The following PEAK1 variants were observed in gnomAD, a reference collection of about 807,000 sequenced individuals.
PEAK1 encodes the protein pseudopodium enriched atypical kinase 1.
Under a neutral mutation model 124.7 loss-of-function variants are expected in PEAK1, and 54 were observed. The observed-to-expected ratio is 0.43, with a 90% CI of 0.35 to 0.54. The LOEUF (loss-of-function observed/expected upper bound fraction) is 0.54, where lower values mean the gene tolerates loss of function less well. Among genes scored for constraint, PEAK1 ranks in the 20% least tolerant of loss-of-function variants. PEAK1 has a pLI of 0.01. For missense variants in PEAK1, 2,046 were observed against 2,134.5 expected (o/e 0.96, Z 0.82); for synonymous variants, 719 against 760.0 (o/e 0.95, Z 0.89).
chr15:77,140,902 C>T (rs2053730481), intron 8 of PEAK1, among the ~76,000 whole-genome samples: 1 of 151,980 alleles, frequency 6.6e-6, no homozygotes, highest in Admixed American at 6.6e-5. Flanking sequence ...AGGGTTTTGC[C>T]ATGTTGCTCA....
chr15:77,294,922 AAGG>A (rs1304002472), intron 2 of PEAK1, among the ~76,000 whole-genome samples: 3 of 152,202 alleles, frequency 2.0e-5, no homozygotes, highest in African/African-American at 7.2e-5. Flanking sequence ...ACAATTTAAA[AAGG>A]AGAATATGAA....
At chr15:77,159,372 G>C in intron 7 of PEAK1, among the ~76,000 whole-genome samples, 1 of 152,110 alleles carries the variant, frequency 6.6e-6, no homozygotes, top group East Asian at 1.9e-4. Flanking sequence ...CATCCTCCTG[G>C]CTGCATACCA....
chr15:77,262,083 C>A (rs1671149009), intron 5 of PEAK1, among the ~76,000 whole-genome samples: 1 of 152,126 alleles, frequency 6.6e-6, no homozygotes, highest in Non-Finnish European at 1.5e-5. Context: ...ACTACCAGGC[C>A]TGCCCTAAAA....
chr15:77,418,144 T>A (rs900856278), intron 1 of PEAK1: 3 of 984,024 alleles, frequency 3.0e-6, no homozygotes, highest in Non-Finnish European at 3.6e-6. Flanking sequence ...TTCTGTATAC[T>A]ATCAACTGGA....
chr15:77,269,311 CAG>C (rs2061904983), intron 5 of PEAK1, among the ~76,000 whole-genome samples: 1 of 152,038 alleles, frequency 6.6e-6, no homozygotes, highest in Non-Finnish European at 1.5e-5. Flanking sequence ...GCTAAGGTAA[CAG>C]GGTGGAAAAA....
At chr15:77,272,145 T>C (rs1300304423) in intron 5 of PEAK1, among the ~76,000 whole-genome samples, 1 of 152,152 alleles carries the variant, frequency 6.6e-6, no homozygotes, top group South Asian at 2.1e-4. Flanking sequence ...TAGCATTAAA[T>C]GCCTACATTG....
chr15:77,408,504 C>T (rs1489898345), intron 1 of PEAK1, among the ~76,000 whole-genome samples: 1 of 151,764 alleles, frequency 6.6e-6, no homozygotes, highest in African/African-American at 2.4e-5. Context: ...TGTAACCAAC[C>T]ACCACCTGTT....
intron 1 of PEAK1, chr15:77,370,988 C>T: frequency 2.8e-6 from 2 of 703,392 alleles, no homozygotes; most frequent in Non-Finnish European, 3.5e-6. Flanking sequence ...TGAGATTGCG[C>T]CACTGCACTC....
At chr15:77,203,887 T>C (rs1420295065) in intron 6 of PEAK1, among the ~76,000 whole-genome samples, 1 of 152,162 alleles carries the variant, frequency 6.6e-6, no homozygotes, top group Non-Finnish European at 1.5e-5. Context: ...ACCAAAGGCA[T>C]GATCCTTGAC....
intron 6 of PEAK1, among the ~76,000 whole-genome samples, chr15:77,223,542 T>G (rs1369418162): frequency 1.3e-5 from 2 of 152,112 alleles, no homozygotes; most frequent in Non-Finnish European, 1.5e-5. Flanking sequence ...GACAGTAGTC[T>G]CTAATACTGT....
At chr15:77,242,172 T>C (rs1009915443) in intron 6 of PEAK1, among the ~76,000 whole-genome samples, 2 of 152,122 alleles carry the variant, frequency 1.3e-5, no homozygotes, top group Non-Finnish European at 2.9e-5. Context: ...ACATCTTTAT[T>C]TCCTTAAGGT....
chr15:77,203,577 C>T (rs1047743387), intron 6 of PEAK1, among the ~76,000 whole-genome samples: 1 of 151,904 alleles, frequency 6.6e-6, no homozygotes, highest in Non-Finnish European at 1.5e-5. Context: ...AAAGAACAGA[C>T]AAATAGATCA....
chr15:77,120,190 C>T (rs1326068117), intron 9 of PEAK1, among the ~76,000 whole-genome samples: 1 of 152,218 alleles, frequency 6.6e-6, no homozygotes, highest in African/African-American at 2.4e-5. Context: ...TGCCTGCTCT[C>T]CATCCTAGTT....
chr15:77,225,362 T>C (rs2059584072), intron 6 of PEAK1, among the ~76,000 whole-genome samples: 1 of 152,000 alleles, frequency 6.6e-6, no homozygotes, highest in Non-Finnish European at 1.5e-5. Context: ...CATTTGTATG[T>C]TCACACAAAA....
At chr15:77,108,075 G>A (rs1024576537), downstream of PEAK1, 1 of 152,208 alleles carries the variant, frequency 6.6e-6, no homozygotes, top group Admixed American at 6.5e-5. Flanking sequence ...ACCCTGGGGG[G>A]ACAAGACATA....
intron 6 of PEAK1, 34 bp from the exon 7 acceptor site, chr15:77,182,074 T>C (rs767427805): frequency 7.3e-6 from 10 of 1,364,010 alleles, no homozygotes; most frequent in Non-Finnish European, 7.5e-6. Context: ...AAAATCTGAA[T>C]GAAAAAGGCA....
chr15:77,124,296 C>T (rs1248707936), intron 9 of PEAK1, among the ~76,000 whole-genome samples: 2 of 152,214 alleles, frequency 1.3e-5, no homozygotes, highest in African/African-American at 4.8e-5. Flanking sequence ...CATGTAGTCC[C>T]ACAGTTTCAA....
intron 2 of PEAK1, among the ~76,000 whole-genome samples, chr15:77,358,996 C>CGTT: frequency 6.6e-6 from 1 of 152,238 alleles, no homozygotes; most frequent in Non-Finnish European, 1.5e-5. Flanking sequence ...TCTCAATAAG[C>CGTT]GTTATCTCAT....
At chr15:77,358,365 T>C (rs2067659683) in intron 2 of PEAK1, among the ~76,000 whole-genome samples, 1 of 152,166 alleles carries the variant, frequency 6.6e-6, no homozygotes, top group Non-Finnish European at 1.5e-5. Flanking sequence ...CTTCTTCATC[T>C]CCCATTCACT....
Sources: allele counts gnomAD v4.1 joint callset (sites outside exome capture counted in the v4.1 genomes callset), GRCh38; gene constraint gnomAD v4.1.1; transcripts MANE v1.5; gene names NCBI Gene and HGNC (gene_info 2026-07-23, HGNC 2026-07-21).